OR9Q1: variants seen among roughly 807,000 people sequenced by gnomAD.
OR9Q1 encodes the protein olfactory receptor family 9 subfamily Q member 1, also known as olfactory receptor 9Q1.
For missense variants in OR9Q1, 374 were observed against 378.8 expected, an observed-to-expected ratio of 0.99 and a Z score of 0.11; for synonymous variants, 153 against 148.6, an observed-to-expected ratio of 1.03 and a Z score of -0.22.
intron 2 of OR9Q1, among the ~76,000 whole-genome samples, chr11:58,179,012 A>AAGAGAGAGAGAG (rs71061582): frequency 0.015 from 2,048 of 132,444 alleles, 27 homozygotes; most frequent in East Asian, 0.038. Context: ...GAAAGAAAGA[A>AAGAGAGAGAGAG]AGAGAGAGAG....
intron 1 of OR9Q1, among the ~76,000 whole-genome samples, chr11:58,036,287 A>G (rs1358230064): frequency 5.3e-5 from 8 of 152,190 alleles, no homozygotes; most frequent in African/African-American, 4.8e-5. Flanking sequence ...TCAGCCTACT[A>G]TTGAGACCTA....
At chr11:58,092,670 A>T (rs1853695789) in intron 2 of OR9Q1, among the ~76,000 whole-genome samples, 1 of 152,108 alleles carries the variant, frequency 6.6e-6, no homozygotes, top group East Asian at 1.9e-4. Context: ...CTTTTTATAC[A>T]GGGGATAAAT....
chr11:58,115,950 GT>G (rs770213799), intron 2 of OR9Q1, among the ~76,000 whole-genome samples: 2 of 152,074 alleles, frequency 1.3e-5, no homozygotes, highest in African/African-American at 2.4e-5. Context: ...ATTTACTTGT[GT>G]GATTTAAAGC....
At chr11:58,151,037 T>C (rs985927140) in intron 2 of OR9Q1, among the ~76,000 whole-genome samples, 7 of 152,328 alleles carry the variant, frequency 4.6e-5, no homozygotes, top group Non-Finnish European at 1.0e-4. Flanking sequence ...GTTTTGTCAT[T>C]TTAGCCTTTA....
chr11:58,025,859 C>T (rs1332436599), intron 1 of OR9Q1, among the ~76,000 whole-genome samples: 2 of 152,152 alleles, frequency 1.3e-5, no homozygotes, highest in Non-Finnish European at 2.9e-5. Flanking sequence ...ATATTACCTA[C>T]TTCCACCTGT....
At chr11:58,148,992 A>G (rs1854325618) in intron 2 of OR9Q1, among the ~76,000 whole-genome samples, 1 of 152,192 alleles carries the variant, frequency 6.6e-6, no homozygotes, top group Non-Finnish European at 1.5e-5. Context: ...TTTTCTGAAA[A>G]TAGTTGAAAA....
At chr11:58,138,616 T>C (rs757748479) in intron 2 of OR9Q1, among the ~76,000 whole-genome samples, 4 of 152,228 alleles carry the variant, frequency 2.6e-5, no homozygotes, top group Non-Finnish European at 4.4e-5. Context: ...TGTGCTGTTA[T>C]TATTCCTTTT....
At chr11:58,138,964 G>A (rs1854215628) in intron 2 of OR9Q1, among the ~76,000 whole-genome samples, 1 of 151,800 alleles carries the variant, frequency 6.6e-6, no homozygotes, top group African/African-American at 2.4e-5. Flanking sequence ...GACACAAGAA[G>A]GAACCAAAAC....
intron 2 of OR9Q1, chr11:58,119,293 A>G (rs773702549): frequency 2.5e-6 from 4 of 1,613,844 alleles, no homozygotes; most frequent in South Asian, 2.2e-5. Context: ...TTTGACATCT[A>G]CTTGGATTAA....
rs187277140 is a variant in OR9Q1, at chr11:58,073,894, C to T, written c.-15+17947C>T. 5.2e-4 allele frequency among the ~76,000 whole-genome samples: 79 copies of T among 152,166 alleles called. 1 individual carries two copies. Among genetic ancestry groups the T allele is most frequent in the African/African-American group, 1.6e-3 (68 of 41,430 alleles). On this transcript the variant is annotated intron_variant, in intron 2 of 2. Transcript: ENST00000335397. ...TTCAACACCTACTTATGAGTGAGAA[C>T]ATGCAGTGTTTGGTTTTCTATTCCT...
intron 1 of OR9Q1, chr11:58,031,763 T>C (rs1853042905): frequency 6.2e-7 from 1 of 1,613,954 alleles, no homozygotes; most frequent in African/African-American, 1.3e-5. Context: ...GGTGACCTCC[T>C]CCATCAACTT....
At chr11:58,177,421 G>A (rs1216318992) in intron 2 of OR9Q1, among the ~76,000 whole-genome samples, 3 of 152,154 alleles carry the variant, frequency 2.0e-5, no homozygotes, top group Admixed American at 1.3e-4. Context: ...TTCTTTATCC[G>A]TAAAATGAGG....
At chr11:58,118,210 A>G (rs1428005079) in intron 2 of OR9Q1, 1 of 249,080 alleles carries the variant, frequency 4.0e-6, no homozygotes, top group African/African-American at 2.2e-5. Flanking sequence ...AATGAAATAA[A>G]CTCAAGACTC....
At chr11:58,120,227 G>C (rs1482569815) in intron 2 of OR9Q1, among the ~76,000 whole-genome samples, 1 of 152,034 alleles carries the variant, frequency 6.6e-6, no homozygotes, top group East Asian at 1.9e-4. Context: ...TCGTGGACTT[G>C]CTACTTTTTT....
intron 2 of OR9Q1, among the ~76,000 whole-genome samples, chr11:58,153,306 A>G (rs1854372199): frequency 6.6e-6 from 1 of 152,188 alleles, no homozygotes; most frequent in South Asian, 2.1e-4. Context: ...AGAGTTTAAG[A>G]AAGAGCTCTG....
At chr11:58,154,074 C>T (rs145915761) in intron 2 of OR9Q1, among the ~76,000 whole-genome samples, 100 of 143,956 alleles carry the variant, frequency 6.9e-4, no homozygotes, top group African/African-American at 2.3e-3. Flanking sequence ...AGGGAGAGAG[C>T]GAGAGAAGAA....
intron 2 of OR9Q1, among the ~76,000 whole-genome samples, chr11:58,139,982 T>G (rs1020626561): frequency 7.9e-5 from 12 of 151,998 alleles, no homozygotes; most frequent in African/African-American, 1.4e-4. Context: ...CATTCTAACT[T>G]GTGTGAGATG....
intron 2 of OR9Q1, among the ~76,000 whole-genome samples, chr11:58,076,240 T>A (rs1397365230): frequency 6.6e-6 from 1 of 152,362 alleles, no homozygotes; most frequent in East Asian, 1.9e-4. Context: ...ACAAATCTTA[T>A]AATTTCCATG....
At chr11:58,161,871 A>G (rs930988707) in intron 2 of OR9Q1, among the ~76,000 whole-genome samples, 4 of 152,150 alleles carry the variant, frequency 2.6e-5, no homozygotes, top group African/African-American at 9.7e-5. Flanking sequence ...GAGAGTCCAA[A>G]CTGTTATATC....
Sources: gnomAD v4.1 joint callset for allele counts (sites outside exome capture counted in the v4.1 genomes callset) on GRCh38, gnomAD v4.1.1 for gene constraint, MANE v1.5 for transcripts, NCBI Gene and HGNC (gene_info 2026-07-23, HGNC 2026-07-21) for gene names.